Variants in BTD observed in about 807,000 individuals in gnomAD.
The protein encoded by BTD is biocytinase.
Under a neutral mutation model 17.7 loss-of-function variants are expected in BTD, and 13 were observed. The ratio of observed to expected loss-of-function variants is 0.74; its 90% CI spans 0.48 to 1.17. The LOEUF (loss-of-function observed/expected upper bound fraction) is 1.17. Among genes scored for constraint, BTD ranks in the 50% most tolerant of loss-of-function variants. The pLI, the probability that BTD is intolerant of heterozygous loss-of-function variation, is 0.00. For missense variants in BTD, 674 were observed against 650.4 expected (o/e 1.04, Z -0.39); for synonymous variants, 240 against 245.2 (o/e 0.98, Z 0.20).
At chr3:15,612,946 A>C (rs942392539) in intron 1 of BTD, among the ~76,000 whole-genome samples, 1 of 152,180 alleles carries the variant, frequency 6.6e-6, no homozygotes, top group African/African-American at 2.4e-5. Context: ...ATTTCCTTGC[A>C]GTTGTAGTAT....
At position 15,651,632 on chromosome 3, in the gene BTD, G is replaced by C. The variant is rs913318761; in HGVS notation, c.*6144G>C. On this transcript the variant is annotated 3_prime_UTR_variant, in exon 4 of 4. Coordinates refer to ENST00000643237, the MANE Select transcript of BTD (RefSeq NM_001370658.1). ...ATATCCTGTCTCCTCTCTCTTCTCC[G>C]CTCCTGACTCCTGCTGCGGCCTCCC... Among the ~76,000 whole-genome samples, 1 of 152,188 alleles carries C rather than the reference G, an allele frequency of 6.6e-6. No individual in the cohort carries two copies. Among genetic ancestry groups the C allele is most frequent in the Non-Finnish European group, 1.5e-5 (1 of 68,036 alleles).
chr3:15,643,952 T>A (rs73032016), intron 3 of BTD, among the ~76,000 whole-genome samples: 14,430 of 145,070 alleles, frequency 0.099, 959 homozygotes, highest in East Asian at 0.34. Context: ...GGAAGGATTT[T>A]AAAAACTCAT....
chr3:15,684,488 A>C (rs2067881823), intron 3 of BTD: 1 of 152,214 alleles, frequency 6.6e-6, no homozygotes. Context: ...GTTATCTTGC[A>C]ATGTGCTCAG....
chr3:15,664,912 C>G (rs1167088404), intron 3 of BTD, among the ~76,000 whole-genome samples: 1 of 151,904 alleles, frequency 6.6e-6, no homozygotes, highest in East Asian at 1.9e-4. Context: ...AAGTACGACG[C>G]CTATTACCTG....
intron 3 of BTD, among the ~76,000 whole-genome samples, chr3:15,690,997 T>C (rs1265512279): frequency 3.3e-5 from 5 of 152,132 alleles, no homozygotes; most frequent in Admixed American, 3.3e-4. Flanking sequence ...TAATGTGCCA[T>C]AGCTAAAAAA....
intron 3 of BTD, among the ~76,000 whole-genome samples, chr3:15,700,405 C>G (rs1019019497): frequency 3.3e-5 from 5 of 151,550 alleles, no homozygotes; most frequent in Admixed American, 1.3e-4. Flanking sequence ...GTATACCTAT[C>G]TAACAAACCT....
chr3:15,680,869 G>A (rs917317388), intron 3 of BTD, among the ~76,000 whole-genome samples: 1 of 152,122 alleles, frequency 6.6e-6, no homozygotes, highest in East Asian at 1.9e-4. Flanking sequence ...GTTTTGCCAT[G>A]TTGCTCAGGC....
At chr3:15,618,811 C>T (rs1173829991) in intron 1 of BTD, among the ~76,000 whole-genome samples, 2 of 152,216 alleles carry the variant, frequency 1.3e-5, no homozygotes, top group South Asian at 2.1e-4. Context: ...AGGCGTGAGC[C>T]ACTGTGCCCA....
chr3:15,628,879 A>C (rs1416331055), intron 1 of BTD, among the ~76,000 whole-genome samples: 3 of 152,124 alleles, frequency 2.0e-5, no homozygotes, highest in Non-Finnish European at 1.5e-5. Flanking sequence ...CATTTTTCAG[A>C]TTATCTAGTC....
chr3:15,616,299 T>C (rs2125375384), intron 1 of BTD, among the ~76,000 whole-genome samples: 1 of 152,290 alleles, frequency 6.6e-6, no homozygotes, highest in Middle Eastern at 3.4e-3. Flanking sequence ...CTCTATATTC[T>C]CAACAGCATT....
chr3:15,721,843 C>G (rs991042117), exon 5 of BTD, among the ~76,000 whole-genome samples: 1 of 152,112 alleles, frequency 6.6e-6, no homozygotes, highest in Non-Finnish European at 1.5e-5. Context: ...CTCCTAGGCT[C>G]AAGTGATTCT....
At chr3:15,625,636 A>G (rs754516767) in intron 1 of BTD, among the ~76,000 whole-genome samples, 3 of 152,064 alleles carry the variant, frequency 2.0e-5, no homozygotes, top group African/African-American at 4.8e-5. Context: ...GCTCACTGCA[A>G]TCTCCACCTC....
intron 3 of BTD, among the ~76,000 whole-genome samples, chr3:15,702,349 G>A (rs2070741965): frequency 6.6e-6 from 1 of 152,160 alleles, no homozygotes. Flanking sequence ...CTTCATTAGA[G>A]GGTGGGGGCA....
chr3:15,654,298 G>A (rs1433947582), downstream of BTD, among the ~76,000 whole-genome samples: 1 of 152,166 alleles, frequency 6.6e-6, no homozygotes, highest in Non-Finnish European at 1.5e-5. Flanking sequence ...CAGGCTGGGG[G>A]AAGAGTTAGG....
At chr3:15,609,485 T>C (rs990049516) in intron 1 of BTD, among the ~76,000 whole-genome samples, 7 of 152,214 alleles carry the variant, frequency 4.6e-5, no homozygotes, top group Non-Finnish European at 7.3e-5. Flanking sequence ...TTTCTACATA[T>C]ATATCAAGGT....
intron 3 of BTD, among the ~76,000 whole-genome samples, chr3:15,688,442 C>T (rs1427406271): frequency 6.6e-6 from 1 of 152,180 alleles, no homozygotes; most frequent in Non-Finnish European, 1.5e-5. Context: ...TGATATATAA[C>T]TTCACTCTTT....
At position 15,647,883 on chromosome 3, in the gene BTD, G is replaced by A. The variant is rs2065730242; in HGVS notation, c.*2395G>A. On this transcript the variant is annotated 3_prime_UTR_variant, in exon 4 of 4. Coordinates refer to ENST00000643237, the MANE Select transcript of BTD (RefSeq NM_001370658.1). ...AGCTGTATTCACACTGGATTTAAAA[G>A]CCCTGTTCTTAGAGAGGAAAAAACC... 6.6e-6 allele frequency among the ~76,000 whole-genome samples: 1 copy of A among 152,156 alleles called. No homozygotes were observed. The highest frequency in any genetic ancestry group is 2.4e-5 in the African/African-American group (1 of 41,424).
chr3:15,699,430 G>C (rs890108884), intron 3 of BTD, among the ~76,000 whole-genome samples: 3 of 152,114 alleles, frequency 2.0e-5, no homozygotes, highest in Non-Finnish European at 4.4e-5. Context: ...CACAGCAAAA[G>C]AAACTATCAT....
chr3:15,703,396 T>C (rs2070899307), intron 3 of BTD, among the ~76,000 whole-genome samples: 1 of 152,204 alleles, frequency 6.6e-6, no homozygotes, highest in South Asian at 2.1e-4. Context: ...CTCAAGGTGA[T>C]GTTATTAGGA....
Sources: allele counts gnomAD v4.1 joint callset (sites outside exome capture counted in the v4.1 genomes callset), GRCh38; gene constraint gnomAD v4.1.1; transcripts MANE v1.5; gene names NCBI Gene and HGNC (gene_info 2026-07-23, HGNC 2026-07-21).